The following CC2D2B variants were observed in gnomAD, a reference collection of about 807,000 sequenced individuals.
CC2D2B encodes the protein coiled-coil and C2 domain containing 2B.
Under a neutral mutation model 161.2 loss-of-function variants are expected in CC2D2B, and 128 were observed. The ratio of observed to expected loss-of-function variants is 0.79; its 90% CI spans 0.69 to 0.92. The LOEUF is 0.92. CC2D2B is among the 40% of genes least tolerant of loss of function. The pLI is 0.00. For missense variants in CC2D2B, 1,173 were observed against 1,375.1 expected, an observed-to-expected ratio of 0.85 and a Z score of 2.32; for synonymous variants, 391 against 449.8, an observed-to-expected ratio of 0.87 and a Z score of 1.65.
intron 18 of CC2D2B, among the ~76,000 whole-genome samples, chr10:95,982,956 G>A (rs2077585856): frequency 6.6e-6 from 1 of 151,916 alleles, no homozygotes; most frequent in African/African-American, 2.4e-5. Context: ...ATTTTTAGTA[G>A]AGAGGGGGTT....
At position 95,924,810 on chromosome 10, in the gene CC2D2B, A is replaced by C; in HGVS notation, c.206A>C (p.Gln69Pro). 1 of 1,547,850 alleles carries C rather than the reference A, an allele frequency of 6.5e-7. No homozygotes were observed. ...INKGEKSSTE[Q>P]LIDSEIHQRS... is the part of the protein sequence containing the mutation. ...AAAGGTGAAAAATCTTCAACTGAGC[A>C]GCTCATTGATAGCGAAATACATCAA... Residue 69 changes from glutamine (Q) to proline (P), a missense_variant, in exon 5 of 35, where the codon CAG (glutamine) becomes CCG (proline). Physicochemically the swap from Gln to Pro is moderately conservative, Grantham distance 76 (BLOSUM62 -1). Around this residue, in one of 3 missense-constraint regions of CC2D2B, gnomAD observed 298 missense variants for 261.2 expected, o/e 1.14. Coordinates refer to ENST00000646931, the MANE Select transcript of CC2D2B (RefSeq NM_001349008.3).
intron 9 of CC2D2B, among the ~76,000 whole-genome samples, chr10:95,940,440 T>G (rs2075982507): frequency 6.6e-6 from 1 of 152,224 alleles, no homozygotes; most frequent in African/African-American, 2.4e-5. Flanking sequence ...GGTTAGCACC[T>G]TTTATAGCCT....
At position 95,966,011 on chromosome 10, in the gene CC2D2B, C is replaced by A; in HGVS notation, c.1353+13C>A. The A allele has an allele frequency of 4.1e-6, 4 of 973,168 alleles. No individual in the cohort carries two copies. The highest frequency in any genetic ancestry group is 5.3e-6 in the Non-Finnish European group (4 of 752,120). 60.3% of individuals were successfully genotyped at this position (973,168 alleles called of 1,614,324 possible). ...GAAAAAACTGGAGGTATTTATATTG[C>A]AAAATAACATTAAACTCAACTAGTT... On this transcript the variant is annotated intron_variant, in intron 13 of 34. Transcript: ENST00000646931.
Position 95,938,697 on chromosome 10 carries a change from C to G in CC2D2B, c.664C>G (p.Leu222Val). The change falls in exon 8 of 35, where the codon CTA (leucine) becomes GTA (valine). Residue 222 changes from leucine (L) to valine (V), a missense_variant. By Grantham distance (32) the Leu-to-Val change is conservative. Around this residue, in one of 3 missense-constraint regions of CC2D2B, gnomAD observed 298 missense variants for 261.2 expected, o/e 1.14. Transcript: ENST00000646931. The part of the protein sequence containing the change: ...CNKMENRLLK[L>V]EEGKCWFGES... ...CAAAATGGAAAATCGCCTGCTTAAA[C>G]TAGAAGAGGCAAGTGCACCACCTAA... is the stretch of plus-strand genomic sequence containing the variant. The G allele has an allele frequency of 1.4e-6, 1 of 711,770 alleles. No homozygotes were observed. Among genetic ancestry groups the G allele is most frequent in the Non-Finnish European group, 2.6e-6 (1 of 383,360 alleles). The allele number at this position is 711,770 out of a possible 1,614,324, so 44.1% of individuals were successfully genotyped here. A position where few individuals can be genotyped will look rare whatever the true frequency, so the allele number is the denominator to read the frequency against.
intron 22 of CC2D2B, among the ~76,000 whole-genome samples, chr10:95,993,900 ATGTGTGTG>A (rs1270650458): frequency 2.4e-3 from 97 of 40,062 alleles, no homozygotes; most frequent in African/African-American, 3.5e-3. Context: ...GAGAGAGAGA[ATGTGTGTG>A]TGTGTGTGTG....
At chr10:95,934,825 TC>T (rs2075758319) in intron 6 of CC2D2B, among the ~76,000 whole-genome samples, 1 of 152,182 alleles carries the variant, frequency 6.6e-6, no homozygotes, top group East Asian at 1.9e-4. Context: ...CTGGAGCTGT[TC>T]CTATTCCGCC....
chr10:96,001,987 T>A (rs1446144713), intron 24 of CC2D2B, among the ~76,000 whole-genome samples: 1 of 152,230 alleles, frequency 6.6e-6, no homozygotes, highest in African/African-American at 2.4e-5. Context: ...ACATATAAAA[T>A]GTATTTGTTT....
intron 1 of CC2D2B, among the ~76,000 whole-genome samples, chr10:95,909,736 A>C (rs1344293527): frequency 4.6e-5 from 7 of 152,092 alleles, no homozygotes; most frequent in Non-Finnish European, 8.8e-5. Context: ...TTTTGCTAGC[A>C]CTCCTGAAAC....
intron 29 of CC2D2B, among the ~76,000 whole-genome samples, chr10:96,014,871 T>C (rs556884785): frequency 8.5e-5 from 13 of 152,262 alleles, no homozygotes; most frequent in Non-Finnish European, 1.9e-4. Flanking sequence ...CTATCCTCCC[T>C]AACCCCCATC....
chr10:96,029,241 CATATATATATAT>C (rs56195141), intron 34 of CC2D2B, among the ~76,000 whole-genome samples: 4,117 of 67,050 alleles, frequency 0.061, 100 homozygotes, highest in Non-Finnish European at 0.076. Flanking sequence ...TTTCATGTAC[CATATATATATAT>C]ATATATATAT....
At position 95,987,539 on chromosome 10, in the gene CC2D2B, A is replaced by G. The variant is rs371628570; in HGVS notation, c.2287-711A>G. ...TGTATAGTCTTTAATAATATCTATAATATAAAATCATTTCCAAGTGCATTG... is the reference window on the plus strand; with the variant it reads ...TGTATAGTCTTTAATAATATCTATAGTATAAAATCATTTCCAAGTGCATTG... On this transcript the variant is annotated intron_variant, in intron 19 of 34. Coordinates refer to ENST00000646931, the MANE Select transcript of CC2D2B (RefSeq NM_001349008.3). 1.1e-4 allele frequency among the ~76,000 whole-genome samples: 16 copies of G among 152,296 alleles called. No individual in the cohort carries two copies. In the East Asian group the frequency reaches 1.5e-3, roughly 15 times the overall value.
chr10:95,910,206 A>C (rs1191725188), intron 1 of CC2D2B, among the ~76,000 whole-genome samples: 1 of 152,166 alleles, frequency 6.6e-6, no homozygotes, highest in Non-Finnish European at 1.5e-5. Flanking sequence ...AGTTTCTACA[A>C]ATGTCTGGGG....
At chr10:96,001,285 T>G (rs1186334175) in intron 24 of CC2D2B, among the ~76,000 whole-genome samples, 1 of 152,210 alleles carries the variant, frequency 6.6e-6, no homozygotes, top group Admixed American at 6.5e-5. Context: ...TCTTTTTATT[T>G]TGAAAGGTGG....
At chr10:96,023,603 G>A (rs543299537) in intron 32 of CC2D2B, among the ~76,000 whole-genome samples, 50 of 152,320 alleles carry the variant, frequency 3.3e-4, no homozygotes, top group Admixed American at 1.0e-3. Flanking sequence ...AGTAATCAGG[G>A]AATTCCGTCC....
chr10:95,922,700 T>C (rs1004138757), intron 3 of CC2D2B, among the ~76,000 whole-genome samples: 5 of 152,230 alleles, frequency 3.3e-5, no homozygotes, highest in African/African-American at 1.2e-4. Context: ...TTTTTTACTG[T>C]ACCTAGGATT....
chr10:95,996,212 T>C lies in CC2D2B; in HGVS notation c.2809T>C (p.Ser937Pro). ...TVYKTNTASG[S>P]HPCWNEEIKV... Reference sequence around the variant, plus strand: ...ATACAAAACCAATACAGCAAGTGGATCTCATCCATGCTGGAATGAAGAAAT... The same window carrying C: ...ATACAAAACCAATACAGCAAGTGGACCTCATCCATGCTGGAATGAAGAAAT... Residue 937 changes from serine to proline, a missense_variant, in exon 24 of 35, where the codon TCT (serine) becomes CCT (proline). Coordinates refer to ENST00000646931, the MANE Select transcript of CC2D2B (RefSeq NM_001349008.3). The C allele has an allele frequency of 6.6e-7, 1 of 1,516,660 alleles. No individual in the cohort carries two copies. Among genetic ancestry groups the C allele is most frequent in the Middle Eastern group, 1.7e-4 (1 of 5,792 alleles). 94.0% of individuals were successfully genotyped at this position (1,516,660 alleles called of 1,614,324 possible).
chr10:95,961,814 C>T lies in CC2D2B; in HGVS notation c.1110-15C>T. On this transcript the variant is annotated splice_polypyrimidine_tract_variant and intron_variant, in intron 11 of 34. Coordinates refer to ENST00000646931, the MANE Select transcript of CC2D2B (RefSeq NM_001349008.3). ...AATCCACTGACAAATTTTTGCTCTGCCATTTTTGTTGTAGTAATACAAAAC... is the reference window on the plus strand; with the variant it reads ...AATCCACTGACAAATTTTTGCTCTGTCATTTTTGTTGTAGTAATACAAAAC... 8.1e-7 allele frequency: 1 copy of T among 1,230,742 alleles called. No individual in the cohort carries two copies. Among genetic ancestry groups the T allele is most frequent in the Non-Finnish European group, 1.0e-6 (1 of 986,964 alleles). 76.2% of individuals were successfully genotyped at this position (1,230,742 alleles called of 1,614,324 possible).
At chr10:96,027,695 CA>C (rs978834555) in intron 34 of CC2D2B, among the ~76,000 whole-genome samples, 1 of 151,970 alleles carries the variant, frequency 6.6e-6, no homozygotes, top group South Asian at 2.1e-4. Context: ...CTATCCTAAG[CA>C]AAAAAACCCA....
At chr10:95,993,865 GAGAGAGTGTATATATATATATAT>G in intron 22 of CC2D2B, among the ~76,000 whole-genome samples, 1 of 107,916 alleles carries the variant, frequency 9.3e-6, no homozygotes, top group Non-Finnish European at 1.8e-5. Flanking sequence ...GAGAGAGAGA[GAGAGAGTGTATATATATATATAT>G]AGAGAGAGAG....
Sources: gnomAD v4.1 joint callset for allele counts (sites outside exome capture counted in the v4.1 genomes callset) on GRCh38, gnomAD v4.1.1 for gene constraint, gnomAD v4.1.1 regional missense constraint, MANE v1.5 for transcripts, NCBI Gene and HGNC (gene_info 2026-07-23, HGNC 2026-07-21) for gene names.